STAU1: variants seen among roughly 807,000 people sequenced by gnomAD.
STAU1 encodes double-stranded RNA-binding protein Staufen homolog 1.
Under a neutral mutation model 62.9 loss-of-function variants are expected in STAU1, and 13 were observed. The observed-to-expected ratio is 0.21, with a 90% CI of 0.13 to 0.33. The LOEUF is 0.33. STAU1 is among the 10% of genes least tolerant of loss of function. The probability of loss-of-function intolerance (pLI) is 1.00; values close to 1 mark genes in which losing one functional copy is unlikely to be tolerated. For synonymous variants in STAU1, 269 were observed against 265.1 expected, an observed-to-expected ratio of 1.01 and a Z score of -0.14; for missense variants, 571 against 712.1, an observed-to-expected ratio of 0.80 and a Z score of 2.25.
At chr20:49,192,803 C>A (rs540055763), upstream of STAU1, among the ~76,000 whole-genome samples, 1 of 152,058 alleles carries the variant, frequency 6.6e-6, no homozygotes, top group African/African-American at 2.4e-5. Context: ...TCAAAAAATA[C>A]ATTAAAATTT....
At chr20:49,145,764 C>A (rs1280810018) in intron 5 of STAU1, among the ~76,000 whole-genome samples, 1 of 151,832 alleles carries the variant, frequency 6.6e-6, no homozygotes, top group African/African-American at 2.4e-5. Context: ...GAGCCAGGCA[C>A]AAGCATGCCT....
intron 3 of STAU1, 34 bp downstream of exon 3, chr20:49,165,963 T>A: frequency 6.2e-7 from 1 of 1,606,098 alleles, no homozygotes; most frequent in Non-Finnish European, 8.5e-7. Context: ...AAGAAAACAT[T>A]TGAAATAGAA....
At chr20:49,162,142 A>G (rs2093458659) in intron 3 of STAU1, among the ~76,000 whole-genome samples, 1 of 148,044 alleles carries the variant, frequency 6.8e-6, no homozygotes, top group East Asian at 1.9e-4. Flanking sequence ...ATTCCTGGGC[A>G]TCCTCTAGTC....
chr20:49,219,259 G>A, the STAU1 span: 6 of 1,278,160 alleles, frequency 4.7e-6, no homozygotes, highest in African/African-American at 3.0e-5. Flanking sequence ...CCCCTTGATG[G>A]CGTCACACGA....
chr20:49,173,065 C>T (rs942743198), intron 2 of STAU1, among the ~76,000 whole-genome samples: 9 of 151,550 alleles, frequency 5.9e-5, no homozygotes, highest in Non-Finnish European at 1.3e-4. Context: ...AGGAGGGTCT[C>T]GATCTCCTGA....
rs1379385445 is a variant in STAU1, at chr20:49,153,251, G to GGAAAAAAAAAAAAAAA, written c.344+681_344+682insTTTTTTTTTTTTTTTC. Among the ~76,000 whole-genome samples the GGAAAAAAAAAAAAAAA allele has an allele frequency of 1.4e-3, 140 of 99,056 alleles. 1 individual carries two copies. The highest frequency in any genetic ancestry group is 5.4e-3 in the African/African-American group (138 of 25,408). The allele number at this position is 99,056 out of a possible 152,430, so 65.0% of individuals were successfully genotyped here. A position where few individuals can be genotyped will look rare whatever the true frequency, so the allele number is the denominator to read the frequency against. On this transcript the variant is annotated intron_variant, in intron 4 of 13. Transcript: ENST00000371856. ...GGCAACAGAGCGAGACTCCGTCTCA[G>GGAAAAAAAAAAAAAAA]AAAAAAAAAAAAAAAAAGAAGCACA...
the STAU1 span, among the ~76,000 whole-genome samples, chr20:49,215,288 A>C: frequency 6.6e-6 from 1 of 152,126 alleles, no homozygotes; most frequent in Non-Finnish European, 1.5e-5. Flanking sequence ...CCCTAACCAC[A>C]TGCCTCAGGC....
At chr20:49,156,406 T>C (rs1182477668) in intron 3 of STAU1, among the ~76,000 whole-genome samples, 1 of 152,196 alleles carries the variant, frequency 6.6e-6, no homozygotes, top group Non-Finnish European at 1.5e-5. Flanking sequence ...ACTGGTAGTG[T>C]AGAATCTGTG....
At chr20:49,164,698 T>G (rs1280290965) in intron 3 of STAU1, among the ~76,000 whole-genome samples, 2 of 151,888 alleles carry the variant, frequency 1.3e-5, no homozygotes, top group Non-Finnish European at 2.9e-5. Flanking sequence ...GCCCAGGAGG[T>G]TGATGCTGCA....
intron 6 of STAU1, among the ~76,000 whole-genome samples, chr20:49,132,069 AT>A (rs1278868268): frequency 6.6e-6 from 1 of 151,716 alleles, no homozygotes; most frequent in Non-Finnish European, 1.5e-5. Context: ...GTAGCGGAGA[AT>A]GGGGGGTAGG....
the STAU1 span, among the ~76,000 whole-genome samples, chr20:49,197,286 AC>A: frequency 1.3e-5 from 2 of 151,038 alleles, no homozygotes; most frequent in Admixed American, 6.6e-5. Flanking sequence ...ACGAGGAAGG[AC>A]CCCATAAAGA....
At chr20:49,205,969 C>T in the STAU1 span, among the ~76,000 whole-genome samples, 9 of 148,858 alleles carry the variant, frequency 6.0e-5, no homozygotes, top group East Asian at 4.0e-4. Flanking sequence ...CTACCGTGTC[C>T]GGCTAATTTT....
chr20:49,211,346 A>G, the STAU1 span, among the ~76,000 whole-genome samples: 1 of 149,598 alleles, frequency 6.7e-6, no homozygotes, highest in Non-Finnish European at 1.5e-5. Flanking sequence ...TAGGAGTTGA[A>G]TTGCTGGTTC....
chr20:49,212,615 A>ATTTTTTTTTTTTTTTTTTTTTTTTTTTT, the STAU1 span, among the ~76,000 whole-genome samples: 5 of 85,180 alleles, frequency 5.9e-5, no homozygotes, highest in Admixed American at 1.4e-4. Flanking sequence ...AGCTATTGGA[A>ATTTTTTTTTTTTTTTTTTTTTTTTTTTT]TTTTTTTTTT....
At chr20:49,127,076 C>T (rs1481268696) in intron 6 of STAU1, among the ~76,000 whole-genome samples, 1 of 152,126 alleles carries the variant, frequency 6.6e-6, no homozygotes, top group African/African-American at 2.4e-5. Context: ...AACCACTGGC[C>T]GGGCGCGGTG....
rs557692877 is a variant in STAU1 at position 49,159,139 on chromosome 20, G to A, written c.206-5068C>T. 6.5e-6 allele frequency: 7 copies of A among 1,074,786 alleles called. No individual in the cohort carries two copies. In the South Asian group the frequency reaches 1.6e-4, roughly 24 times the overall value. The allele number at this position is 1,074,786 out of a possible 1,614,324, so 66.6% of individuals were successfully genotyped here. The stretch of plus-strand genomic sequence containing the variant: ...TTGTCTCATGGATAAATGCTGAAGG[G>A]GAAAAAGCTAAAAAAAAAAAAACAC... On this transcript the variant is annotated intron_variant, in intron 3 of 13. Coordinates refer to ENST00000371856, the MANE Select transcript of STAU1 (RefSeq NM_017453.4).
chr20:49,136,300 C>T (rs1184492474), intron 5 of STAU1, among the ~76,000 whole-genome samples: 1 of 152,036 alleles, frequency 6.6e-6, no homozygotes, highest in East Asian at 1.9e-4. Context: ...GAGACGCTGT[C>T]CCCCACAAAA....
rs903042307 is a variant in STAU1, at chr20:49,113,646, T to A, written c.*1232A>T. The stretch of plus-strand genomic sequence containing the variant: ...ACTCGCAGGGCTACCAGGCTTTCCA[T>A]ACGGACCACACGCAGAGCCTCAGTG... On this transcript the variant is annotated 3_prime_UTR_variant, in exon 14 of 14. Transcript: ENST00000371856. 1 of 152,602 alleles carries A rather than the reference T, an allele frequency of 6.6e-6. No individual in the cohort carries two copies. Among genetic ancestry groups the A allele is most frequent in the Non-Finnish European group, 1.5e-5 (1 of 68,050 alleles). 9.5% of individuals were successfully genotyped at this position (152,602 alleles called of 1,614,324 possible). A position where few individuals can be genotyped will look rare whatever the true frequency, so the allele number is the denominator to read the frequency against.
At chr20:49,135,270 C>T (rs914761010) in intron 6 of STAU1, among the ~76,000 whole-genome samples, 17 of 152,324 alleles carry the variant, frequency 1.1e-4, no homozygotes, top group South Asian at 6.2e-4. Context: ...TTACCTCCCT[C>T]GTCCATTTGG....
Sources: allele counts gnomAD v4.1 joint callset (sites outside exome capture counted in the v4.1 genomes callset), GRCh38; gene constraint gnomAD v4.1.1; transcripts MANE v1.5; gene names NCBI Gene and HGNC (gene_info 2026-07-23, HGNC 2026-07-21).